Variants in PTPRD observed in about 807,000 individuals in gnomAD.
PTPRD encodes the protein protein tyrosine phosphatase receptor type D.
Under a neutral mutation model 214.5 loss-of-function variants are expected in PTPRD, and 34 were observed. The ratio of observed to expected loss-of-function variants is 0.16; its 90% CI spans 0.12 to 0.21. PTPRD has a LOEUF of 0.21. Among genes scored for constraint, PTPRD ranks in the 10% least tolerant of loss-of-function variants. The pLI is 1.00. For missense variants in PTPRD, 2,545 were observed against 2,398.7 expected (o/e 1.06, Z -1.27); for synonymous variants, 1,128 against 845.7 (o/e 1.33, Z -5.79).
At chr9:9,839,646 C>T (rs1462532211) in intron 5 of PTPRD, among the ~76,000 whole-genome samples, 2 of 151,698 alleles carry the variant, frequency 1.3e-5, no homozygotes, top group Non-Finnish European at 2.9e-5. Context: ...TTTACAGATT[C>T]AATGCCATCC....
intron 4 of PTPRD, among the ~76,000 whole-genome samples, chr9:9,959,376 T>C (rs2094186363): frequency 6.6e-6 from 1 of 152,106 alleles, no homozygotes; most frequent in Admixed American, 6.6e-5. Flanking sequence ...CACAGAGGAC[T>C]TTTAGAACAG....
At chr9:10,278,885 C>A (rs2094905681) in intron 3 of PTPRD, among the ~76,000 whole-genome samples, 1 of 152,126 alleles carries the variant, frequency 6.6e-6, no homozygotes, top group Non-Finnish European at 1.5e-5. Flanking sequence ...AGCCATTCTC[C>A]TGCCTCAGCC....
chr9:9,130,175 T>C (rs1232310243), intron 10 of PTPRD, among the ~76,000 whole-genome samples: 1 of 152,128 alleles, frequency 6.6e-6, no homozygotes, highest in African/African-American at 2.4e-5. Flanking sequence ...AGACAGGTAA[T>C]TTCAGAATAA....
At chr9:9,911,883 A>T (rs1269539345) in intron 5 of PTPRD, among the ~76,000 whole-genome samples, 1 of 152,138 alleles carries the variant, frequency 6.6e-6, no homozygotes, top group African/African-American at 2.4e-5. Flanking sequence ...AAAAGTGGCC[A>T]GGTCATTTTT....
chr9:9,653,508 T>A (rs532839875), intron 7 of PTPRD, among the ~76,000 whole-genome samples: 32 of 152,196 alleles, frequency 2.1e-4, no homozygotes, highest in Admixed American at 2.0e-3. Flanking sequence ...CACCTAAACT[T>A]GTCCAGAAGC....
chr9:9,852,249 C>T (rs974656885), intron 5 of PTPRD, among the ~76,000 whole-genome samples: 2 of 151,802 alleles, frequency 1.3e-5, no homozygotes, highest in Admixed American at 6.6e-5. Flanking sequence ...AAGAATCTTC[C>T]TTAGGGAAGA....
At chr9:10,215,127 A>G (rs932645042) in intron 3 of PTPRD, among the ~76,000 whole-genome samples, 1 of 152,066 alleles carries the variant, frequency 6.6e-6, no homozygotes, top group Non-Finnish European at 1.5e-5. Flanking sequence ...AAATTTTAAG[A>G]TACTATTATC....
chr9:8,924,616 A>G (rs981710566), intron 11 of PTPRD, among the ~76,000 whole-genome samples: 9 of 152,038 alleles, frequency 5.9e-5, no homozygotes, highest in African/African-American at 2.2e-4. Context: ...AGATGAGTCC[A>G]TGGAGGCCTC....
intron 2 of PTPRD, among the ~76,000 whole-genome samples, chr9:10,373,608 C>A (rs552247741): frequency 6.6e-6 from 1 of 152,204 alleles, no homozygotes; most frequent in East Asian, 1.9e-4. Flanking sequence ...AATTGTGTCT[C>A]TTATTGCAGG....
chr9:8,968,288 T>C, intron 11 of PTPRD, among the ~76,000 whole-genome samples: 1 of 152,074 alleles, frequency 6.6e-6, no homozygotes, highest in East Asian at 1.9e-4. Flanking sequence ...GATGGCTGGG[T>C]CAAATGGTAT....
chr9:9,417,632 A>G (rs2077384929), intron 8 of PTPRD, among the ~76,000 whole-genome samples: 1 of 152,146 alleles, frequency 6.6e-6, no homozygotes, highest in South Asian at 2.1e-4. Flanking sequence ...TATAGTCACA[A>G]CAAAACTTGA....
intron 9 of PTPRD, among the ~76,000 whole-genome samples, chr9:9,354,809 C>G (rs1332636190): frequency 6.6e-6 from 1 of 151,640 alleles, no homozygotes; most frequent in Non-Finnish European, 1.5e-5. Context: ...TTTGAGCAAA[C>G]ACATGCAAGA....
intron 7 of PTPRD, among the ~76,000 whole-genome samples, chr9:9,575,361 A>G (rs147960368): frequency 3.0e-4 from 45 of 152,222 alleles, no homozygotes; most frequent in African/African-American, 9.6e-4. Context: ...TATGCTAGTT[A>G]TTATTATTGT....
chr9:8,771,819 TA>T (rs557495942), intron 11 of PTPRD, among the ~76,000 whole-genome samples: 9,365 of 142,670 alleles, frequency 0.066, 444 homozygotes, highest in African/African-American at 0.14. Flanking sequence ...TGCATGGCTT[TA>T]AAAAAAAAAA....
chr9:9,745,980 A>G (rs372343144), intron 6 of PTPRD, among the ~76,000 whole-genome samples: 3 of 152,100 alleles, frequency 2.0e-5, no homozygotes, highest in South Asian at 4.1e-4. Context: ...ATTGCTTGGG[A>G]TGGGGAAAAA....
At chr9:10,413,437 A>G (rs2154512988) in intron 2 of PTPRD, among the ~76,000 whole-genome samples, 1 of 151,976 alleles carries the variant, frequency 6.6e-6, no homozygotes, top group African/African-American at 2.4e-5. Context: ...GAACTACAAA[A>G]TATTGCCCAA....
At chr9:9,378,300 CT>C (rs1230640399) in intron 9 of PTPRD, among the ~76,000 whole-genome samples, 1 of 151,972 alleles carries the variant, frequency 6.6e-6, no homozygotes, top group African/African-American at 2.4e-5. Flanking sequence ...TTCAGATGGC[CT>C]TTTTTTCACT....
chr9:10,024,667 A>T (rs1042088345), intron 4 of PTPRD, among the ~76,000 whole-genome samples: 2 of 151,702 alleles, frequency 1.3e-5, no homozygotes, highest in East Asian at 3.9e-4. Context: ...TTTAGGGTAC[A>T]TGTGCACAAC....
chr9:9,822,369 C>G (rs2153576829), intron 5 of PTPRD, among the ~76,000 whole-genome samples: 1 of 150,868 alleles, frequency 6.6e-6, no homozygotes, highest in South Asian at 2.1e-4. Flanking sequence ...CAAGATCACA[C>G]CACTGCATTC....
Sources: allele counts gnomAD v4.1 joint callset (sites outside exome capture counted in the v4.1 genomes callset), GRCh38; gene constraint gnomAD v4.1.1; transcripts MANE v1.5; gene names NCBI Gene and HGNC (gene_info 2026-07-23, HGNC 2026-07-21).